Variants in USP6NL observed in about 807,000 individuals in gnomAD.
The protein encoded by USP6NL is USP6 N-terminal like.
A neutral mutation model predicts 61.9 loss-of-function variants in USP6NL; 26 were observed. The observed-to-expected ratio is 0.42, with a 90% CI of 0.31 to 0.58. The LOEUF is 0.58. Ranked by LOEUF, USP6NL falls within the 20% of genes least tolerant of loss-of-function variation. The pLI is 0.16. For missense variants in USP6NL, 1,114 were observed against 1,034.3 expected, an observed-to-expected ratio of 1.08 and a Z score of -1.06; for synonymous variants, 432 against 390.1, an observed-to-expected ratio of 1.11 and a Z score of -1.27.
At chr10:11,472,606 A>C (rs1832804629) in intron 14 of USP6NL, among the ~76,000 whole-genome samples, 2 of 152,250 alleles carry the variant, frequency 1.3e-5, no homozygotes, top group African/African-American at 4.8e-5. Flanking sequence ...TCAAACAGTA[A>C]GTCCAATTGT....
intron 14 of USP6NL, among the ~76,000 whole-genome samples, chr10:11,471,367 C>G (rs1174055751): frequency 6.6e-6 from 1 of 152,176 alleles, no homozygotes; most frequent in Non-Finnish European, 1.5e-5. Flanking sequence ...AACACTTTTA[C>G]ACTGTTGGTG....
intron 7 of USP6NL, among the ~76,000 whole-genome samples, chr10:11,497,157 C>T (rs1374946353): frequency 6.8e-6 from 1 of 148,148 alleles, no homozygotes. Context: ...CGCCTGTAAT[C>T]CCAGCGCTTT....
intron 10 of USP6NL, 115 bp downstream of exon 10, chr10:11,488,987 C>T (rs758232522): frequency 3.6e-6 from 5 of 1,378,072 alleles, no homozygotes; most frequent in South Asian, 3.2e-5. Context: ...ATGAACTCAA[C>T]GAGCCCTGAG....
In USP6NL at chr10:11,485,773, G is replaced by T; in HGVS notation, c.759+44C>A. 5 of 1,279,314 alleles carry T rather than the reference G, an allele frequency of 3.9e-6. No homozygotes were observed. The highest frequency in any genetic ancestry group is 2.7e-5 in the Admixed American group (1 of 37,220). 79.2% of individuals were successfully genotyped at this position (1,279,314 alleles called of 1,614,324 possible). On this transcript the variant is annotated intron_variant, in intron 11 of 14. Transcript: ENST00000609104. The surrounding 1 kb of genome is among the most constrained non-coding windows in gnomAD (Gnocchi z 4.8). Reference sequence around the variant, plus strand: ...CAATTTAATTATCCCAGCTTTTTTTGGGGGGTGGGTAGGTGGGTGTAAGTC... The same window carrying T: ...CAATTTAATTATCCCAGCTTTTTTTTGGGGGTGGGTAGGTGGGTGTAAGTC...
rs1184856792 is a variant in USP6NL at position 11,589,606 on chromosome 10, T to C, written c.4+8025A>G. 1.3e-5 allele frequency among the ~76,000 whole-genome samples: 2 copies of C among 152,188 alleles called. No individual in the cohort carries two copies. The highest frequency in any genetic ancestry group is 1.5e-5 in the Non-Finnish European group (1 of 68,030). On this transcript the variant is annotated intron_variant, in intron 2 of 14. Coordinates refer to ENST00000609104, the MANE Select transcript of USP6NL (RefSeq NM_014688.5). This position sits in a 1 kb window ranked among gnomAD's most constrained non-coding sequence, Gnocchi z 4.7. ...TACCTTGCAAGTACTAGAACATAAC[T>C]AGGTTCACCAGTGAAGAGATCAAAC...
In USP6NL at chr10:11,491,007, A is replaced by C; in HGVS notation, c.495-127T>G. Reference sequence around the variant, plus strand: ...TCCAGATAAAATTACTAATGTAATAAATTATCCCAAGTTCAAATTCAAACA... The same window carrying C: ...TCCAGATAAAATTACTAATGTAATACATTATCCCAAGTTCAAATTCAAACA... On this transcript the variant is annotated intron_variant, in intron 8 of 14. Transcript: ENST00000609104. The surrounding 1 kb of genome is among the most constrained non-coding windows in gnomAD (Gnocchi z 4.7). 1.3e-6 allele frequency: 1 copy of C among 782,422 alleles called. No individual in the cohort carries two copies. Among genetic ancestry groups the C allele is most frequent in the East Asian group, 3.0e-5 (1 of 33,464 alleles). The allele number at this position is 782,422 out of a possible 1,614,324, so 48.5% of individuals were successfully genotyped here.
chr10:11,463,553 C>T lies in USP6NL; in HGVS notation c.1375G>A (p.Asp459Asn). The change falls in exon 15 of 15, where the codon GAC (aspartate) becomes AAC (asparagine). Residue 459 changes from aspartate to asparagine, a missense_variant. By Grantham distance (23) the Asp-to-Asn change is conservative. Transcript: ENST00000609104. This position sits in a 1 kb window ranked among gnomAD's most constrained non-coding sequence, Gnocchi z 6.3. ...FQRKLPSGPQ[D>N]SSRQYNHAAA... ...GCGTGATTATATTGCCTGGAACTGT[C>T]CTGTGGACCCGATGGGAGTTTTCTT... 4 of 1,614,018 alleles carry T rather than the reference C, an allele frequency of 2.5e-6. No homozygotes were observed. Among genetic ancestry groups the T allele is most frequent in the Non-Finnish European group, 3.4e-6 (4 of 1,179,902 alleles).
chr10:11,473,211 T>C (rs912511151), intron 14 of USP6NL, among the ~76,000 whole-genome samples: 7 of 152,154 alleles, frequency 4.6e-5, no homozygotes, highest in African/African-American at 9.7e-5. Flanking sequence ...AAAAAATACA[T>C]TAGGATTTCA....
intron 6 of USP6NL, among the ~76,000 whole-genome samples, chr10:11,507,892 G>A (rs1167653020): frequency 2.0e-5 from 3 of 152,174 alleles, no homozygotes; most frequent in African/African-American, 7.2e-5. Flanking sequence ...AGGTCATATG[G>A]CTAGGAAGTG....
chr10:11,590,406 T>C (rs1234917255), intron 2 of USP6NL, among the ~76,000 whole-genome samples: 1 of 152,098 alleles, frequency 6.6e-6, no homozygotes, highest in Non-Finnish European at 1.5e-5. Flanking sequence ...TCTATTTGTG[T>C]TCAATGCAAA....
chr10:11,505,737 G>A (rs1834402060), intron 6 of USP6NL, among the ~76,000 whole-genome samples: 1 of 152,146 alleles, frequency 6.6e-6, no homozygotes, highest in African/African-American at 2.4e-5. Flanking sequence ...AAACCTTGGT[G>A]ATTAAAACAG....
intron 14 of USP6NL, among the ~76,000 whole-genome samples, chr10:11,477,232 C>A (rs1833006990): frequency 6.6e-6 from 1 of 152,144 alleles, no homozygotes; most frequent in Non-Finnish European, 1.5e-5. Context: ...TTAACTAATT[C>A]AAGAGCTGAT....
Position 11,585,118 on chromosome 10 carries a change from A to T in USP6NL, c.4+12513T>A, listed in dbSNP as rs1837918700. ...TTAGAATGATATGATGCAAGAGAAA[A>T]TGTAAACAGTGAGTCCATGAAAAAG... is the stretch of plus-strand genomic sequence containing the variant. On this transcript the variant is annotated intron_variant, in intron 2 of 14. Transcript: ENST00000609104. The surrounding 1 kb of genome is among the most constrained non-coding windows in gnomAD (Gnocchi z 4.5). Among the ~76,000 whole-genome samples, 1 of 152,180 alleles carries T rather than the reference A, an allele frequency of 6.6e-6. No individual in the cohort carries two copies. Among genetic ancestry groups the T allele is most frequent in the South Asian group, 2.1e-4 (1 of 4,826 alleles).
In USP6NL at chr10:11,506,162, CCAGT is replaced by C. The variant is rs555972122; in HGVS notation, c.276+3429_276+3432del. On this transcript the variant is annotated intron_variant, in intron 6 of 14. Coordinates refer to ENST00000609104, the MANE Select transcript of USP6NL (RefSeq NM_014688.5). ...TTTCTAGGCAATATGCCTCCATTTT[CCAGT>C]CAGTTAAAAAAAAATGGTTAATATG... Among the ~76,000 whole-genome samples the C allele has an allele frequency of 2.4e-4, 37 of 152,172 alleles. No individual in the cohort carries two copies. The East Asian group carries it at 6.6e-3, about 27-fold the overall frequency.
chr10:11,511,195 G>A lies in USP6NL; in HGVS notation c.196-1520C>T, dbSNP rs1030749119. On this transcript the variant is annotated intron_variant, in intron 5 of 14. Coordinates refer to ENST00000609104, the MANE Select transcript of USP6NL (RefSeq NM_014688.5). This position sits in a 1 kb window ranked among gnomAD's most constrained non-coding sequence, Gnocchi z 4.9. Reference sequence around the variant, plus strand: ...TAACTCTTTTTAAAATTTTTGATGGGTTTCTCACAATAAAAGATGAGCACT... The same window carrying A: ...TAACTCTTTTTAAAATTTTTGATGGATTTCTCACAATAAAAGATGAGCACT... Among the ~76,000 whole-genome samples, 1 of 151,974 alleles carries A rather than the reference G, an allele frequency of 6.6e-6. No individual in the cohort carries two copies. The highest frequency in any genetic ancestry group is 1.5e-5 in the Non-Finnish European group (1 of 68,014).
chr10:11,567,820 C>T (rs966357557), intron 2 of USP6NL, among the ~76,000 whole-genome samples: 2 of 152,186 alleles, frequency 1.3e-5, no homozygotes, highest in Non-Finnish European at 2.9e-5. Context: ...ACACAGCCCT[C>T]ATAACACCTG....
intron 1 of USP6NL, among the ~76,000 whole-genome samples, chr10:11,609,049 T>C (rs1054747777): frequency 7.4e-5 from 11 of 148,828 alleles, no homozygotes; most frequent in Non-Finnish European, 1.4e-4. Flanking sequence ...CAATGGACTA[T>C]GCTTTTCTTT....
intron 1 of USP6NL, among the ~76,000 whole-genome samples, chr10:11,606,063 G>A (rs1006314207): frequency 1.3e-5 from 2 of 151,616 alleles, no homozygotes; most frequent in Non-Finnish European, 2.9e-5. Flanking sequence ...AGAGGAGGAG[G>A]AAAATAGAAA....
In USP6NL at chr10:11,482,780, A is replaced by AG. The variant is rs1229685228; in HGVS notation, c.926-859dup. On this transcript the variant is annotated intron_variant, in intron 13 of 14. Transcript: ENST00000609104. This position sits in a 1 kb window ranked among gnomAD's most constrained non-coding sequence, Gnocchi z 4.0. ...CAACGTATTTTTAAGACAATCAGTAAGAAAAAAAAGAAAAAGGAAAAAATT... is the reference window on the plus strand; with the variant it reads ...CAACGTATTTTTAAGACAATCAGTAAGGAAAAAAAAGAAAAAGGAAAAAATT... Among the ~76,000 whole-genome samples, 1 of 152,216 alleles carries AG rather than the reference A, an allele frequency of 6.6e-6. No homozygotes were observed. Among genetic ancestry groups the AG allele is most frequent in the Non-Finnish European group, 1.5e-5 (1 of 68,038 alleles).
Sources: allele counts gnomAD v4.1 joint callset (sites outside exome capture counted in the v4.1 genomes callset), GRCh38; gene constraint gnomAD v4.1.1; non-coding constraint Gnocchi (gnomAD v3.1); transcripts MANE v1.5; gene names NCBI Gene and HGNC (gene_info 2026-07-23, HGNC 2026-07-21).